TNFSF4: variants seen among roughly 807,000 people sequenced by gnomAD.
The protein encoded by TNFSF4 is TNF superfamily member 4, also known as tumor necrosis factor ligand superfamily member 4.
TNFSF4 carries 4 observed loss-of-function variants against 7.3 expected under a neutral mutation model. That is an observed-to-expected ratio of 0.55 (90% CI 0.27 to 1.25). The LOEUF (loss-of-function observed/expected upper bound fraction) is 1.25. TNFSF4 is among the 50% of genes most tolerant of loss of function. The pLI, the probability that TNFSF4 is intolerant of heterozygous loss-of-function variation, is 0.12. For synonymous variants in TNFSF4, 76 were observed against 83.7 expected (o/e 0.91, Z 0.50); for missense variants, 181 against 208.8 (o/e 0.87, Z 0.82).
At chr1:173,446,023 T>C in the TNFSF4 span, among the ~76,000 whole-genome samples, 1 of 152,030 alleles carries the variant, frequency 6.6e-6, no homozygotes, top group East Asian at 1.9e-4. Flanking sequence ...AACATCCAAA[T>C]TAAATACTCA....
chr1:173,370,801 C>T, the TNFSF4 span, among the ~76,000 whole-genome samples: 96,147 of 151,992 alleles, frequency 0.63, 30,577 homozygotes, highest in Admixed American at 0.69. Flanking sequence ...TTAGTCATGG[C>T]CCTTAGTCAT....
upstream of TNFSF4, among the ~76,000 whole-genome samples, chr1:173,211,231 G>A (rs1035480598): frequency 2.0e-5 from 3 of 152,234 alleles, no homozygotes; most frequent in Non-Finnish European, 4.4e-5. Context: ...ACAAGTGATA[G>A]AGTGATGTCG....
At chr1:173,332,370 G>A in the TNFSF4 span, among the ~76,000 whole-genome samples, 9 of 152,108 alleles carry the variant, frequency 5.9e-5, no homozygotes, top group African/African-American at 2.2e-4. Flanking sequence ...GCCTTCCAGG[G>A]AAACCAGCTG....
the TNFSF4 span, among the ~76,000 whole-genome samples, chr1:173,446,836 G>C: frequency 6.6e-6 from 1 of 152,216 alleles, no homozygotes; most frequent in African/African-American, 2.4e-5. Context: ...AGGCTGCACT[G>C]TTGGCTTCCC....
chr1:173,243,008 G>GGGC, the TNFSF4 span, among the ~76,000 whole-genome samples: 2 of 117,230 alleles, frequency 1.7e-5, no homozygotes, highest in African/African-American at 6.3e-5. Context: ...GGTGGGTGGG[G>GGGC]GGGGGGGGGG....
At chr1:173,232,178 C>T in the TNFSF4 span, among the ~76,000 whole-genome samples, 1 of 152,004 alleles carries the variant, frequency 6.6e-6, no homozygotes, top group African/African-American at 2.4e-5. Context: ...AGAAGAGGTC[C>T]TTCGTGTCCC....
intron 1 of TNFSF4, among the ~76,000 whole-genome samples, chr1:173,203,774 G>A (rs777560701): frequency 5.0e-4 from 76 of 152,306 alleles, no homozygotes; most frequent in Middle Eastern, 6.8e-3. Context: ...TGAGCATGAT[G>A]ATAAAGGTGA....
chr1:173,223,940 G>A, the TNFSF4 span, among the ~76,000 whole-genome samples: 134 of 152,270 alleles, frequency 8.8e-4, no homozygotes, highest in Admixed American at 5.0e-3. Context: ...ACATACACCC[G>A]GGGGGTTGCC....
At chr1:173,349,121 C>T in the TNFSF4 span, among the ~76,000 whole-genome samples, 1 of 152,160 alleles carries the variant, frequency 6.6e-6, no homozygotes, top group East Asian at 1.9e-4. Context: ...CTCCGCCCCC[C>T]GGGTTCACGC....
the TNFSF4 span, among the ~76,000 whole-genome samples, chr1:173,399,126 G>A: frequency 1.3e-5 from 2 of 152,080 alleles, no homozygotes; most frequent in South Asian, 2.1e-4. Flanking sequence ...ATCATCAGAC[G>A]GGGTGATGTG....
chr1:173,401,036 A>G, the TNFSF4 span, among the ~76,000 whole-genome samples: 19 of 152,130 alleles, frequency 1.2e-4, no homozygotes, highest in Non-Finnish European at 2.9e-5. Flanking sequence ...ATATATATAC[A>G]TATATATTTG....
chr1:173,374,472 G>T, the TNFSF4 span, among the ~76,000 whole-genome samples: 1 of 152,038 alleles, frequency 6.6e-6, no homozygotes, highest in Non-Finnish European at 1.5e-5. Flanking sequence ...ACCCCCTGAG[G>T]AACCTGCATG....
At chr1:173,183,099 C>A (rs548763794), downstream of TNFSF4, among the ~76,000 whole-genome samples, 1 of 152,154 alleles carries the variant, frequency 6.6e-6, no homozygotes, top group Non-Finnish European at 1.5e-5. Context: ...GGCTAGACTG[C>A]GGCTCATTGG....
chr1:173,314,338 C>G, the TNFSF4 span, among the ~76,000 whole-genome samples: 2 of 152,078 alleles, frequency 1.3e-5, no homozygotes, highest in Non-Finnish European at 2.9e-5. Context: ...CTATTTTACA[C>G]CATTCTTCCC....
At chr1:173,359,729 C>A in the TNFSF4 span, among the ~76,000 whole-genome samples, 1 of 151,890 alleles carries the variant, frequency 6.6e-6, no homozygotes, top group Non-Finnish European at 1.5e-5. Context: ...TTTCTTAAAC[C>A]ACTAGCCTTT....
At chr1:173,250,043 T>G in the TNFSF4 span, among the ~76,000 whole-genome samples, 1 of 152,146 alleles carries the variant, frequency 6.6e-6, no homozygotes, top group African/African-American at 2.4e-5. Flanking sequence ...TTCCTGAACC[T>G]CTTAAATCTT....
chr1:173,263,911 G>A, the TNFSF4 span, among the ~76,000 whole-genome samples: 1 of 152,156 alleles, frequency 6.6e-6, no homozygotes. Context: ...GAGGACCTAG[G>A]TGACACACCA....
At chr1:173,425,793 C>A in the TNFSF4 span, among the ~76,000 whole-genome samples, 1 of 152,208 alleles carries the variant, frequency 6.6e-6, no homozygotes, top group Admixed American at 6.5e-5. Flanking sequence ...ACACTGTGAC[C>A]AAACCATGGA....
the TNFSF4 span, among the ~76,000 whole-genome samples, chr1:173,361,371 G>A: frequency 6.6e-6 from 1 of 152,106 alleles, no homozygotes; most frequent in Admixed American, 6.5e-5. Flanking sequence ...ACTTATAGGT[G>A]GGAGGATCAT....
Sources: gnomAD v4.1 joint callset for allele counts (sites outside exome capture counted in the v4.1 genomes callset) on GRCh38, gnomAD v4.1.1 for gene constraint, MANE v1.5 for transcripts, NCBI Gene and HGNC (gene_info 2026-07-23, HGNC 2026-07-21) for gene names.